The following RASGRF1 variants were observed in gnomAD, a reference collection of about 807,000 sequenced individuals.
The protein encoded by RASGRF1 is Ras protein specific guanine nucleotide releasing factor 1, also known as ras-specific guanine nucleotide-releasing factor 1.
In RASGRF1, 40 loss-of-function variants were observed where a neutral mutation model predicts 138.7. That is an observed-to-expected ratio of 0.29 (90% confidence interval 0.22 to 0.38). The LOEUF is 0.38. RASGRF1 is among the 10% of genes least tolerant of loss of function. The pLI is 1.00. For synonymous variants in RASGRF1, 614 were observed against 663.2 expected (o/e 0.93, Z 1.14); for missense variants, 1,108 against 1,650.4 (o/e 0.67, Z 5.69).
At chr15:79,035,299 G>C in intron 5 of RASGRF1, 89 bp from the exon 6 acceptor site, 1 of 1,035,338 alleles carries the variant, frequency 9.7e-7, no homozygotes, top group Non-Finnish European at 1.4e-6. Context: ...CGTGACTTCA[G>C]CAGCGAACCC....
chr15:78,985,239 G>T lies in RASGRF1; in HGVS notation c.3217-35C>A, dbSNP rs552256734. 8.6e-6 allele frequency: 13 copies of T among 1,518,354 alleles called. No individual in the cohort carries two copies. The South Asian group carries it at 1.2e-4, about 15-fold the overall frequency. 94.1% of individuals were successfully genotyped at this position (1,518,354 alleles called of 1,614,324 possible). On this transcript the variant is annotated intron_variant, in intron 22 of 26. Coordinates refer to ENST00000558480, the MANE Select transcript of RASGRF1 (RefSeq NM_001145648.3). ...GATGCAATAAGACAGGGAAAAAGAGGAGTAAGTATTGCAAAGATGATAAAT... is the reference window on the plus strand; with the variant it reads ...GATGCAATAAGACAGGGAAAAAGAGTAGTAAGTATTGCAAAGATGATAAAT...
chr15:79,031,371 G>A lies in RASGRF1; in HGVS notation c.1262+29C>T, dbSNP rs779207354. On this transcript the variant is annotated intron_variant, in intron 8 of 26. Transcript: ENST00000558480. ...ACCCTCAGCCCTGCCCTGTCTGCCGGTCTGGTGCACTGAAGAGCCAGGCCT... is the reference window on the plus strand; with the variant it reads ...ACCCTCAGCCCTGCCCTGTCTGCCGATCTGGTGCACTGAAGAGCCAGGCCT... The A allele has an allele frequency of 5.2e-6, 8 of 1,524,438 alleles. No individual in the cohort carries two copies. In the Admixed American group the frequency reaches 1.4e-4, roughly 27 times the overall value. 94.4% of individuals were successfully genotyped at this position (1,524,438 alleles called of 1,614,324 possible).
chr15:79,027,738 T>C lies in RASGRF1; in HGVS notation c.1381+3A>G. ...CAGGGGAGACAGGGTGCAGAGGCCA[T>C]ACCTTGTCTCACAAAGGTCTGGCTG... On this transcript the variant is annotated splice_donor_region_variant and intron_variant, in intron 9 of 26. Transcript: ENST00000558480. The surrounding 1 kb of genome is among the most constrained non-coding windows in gnomAD (Gnocchi z 4.8). 6.2e-7 allele frequency: 1 copy of C among 1,613,484 alleles called. No individual in the cohort carries two copies.
chr15:79,005,622 C>T, intron 14 of RASGRF1: 6 of 988,240 alleles, frequency 6.1e-6, no homozygotes, highest in Non-Finnish European at 7.2e-6. Flanking sequence ...AGGTGGCCTG[C>T]ACTCCTTATG....
In RASGRF1 at chr15:78,977,656, C is replaced by T. The variant is rs572963523; in HGVS notation, c.3494+2964G>A. Among the ~76,000 whole-genome samples the T allele has an allele frequency of 3.2e-3, 480 of 152,270 alleles. 3 individuals are homozygous for T. The highest frequency in any genetic ancestry group is 5.9e-3 in the Non-Finnish European group (398 of 68,018). On this transcript the variant is annotated intron_variant, in intron 24 of 26. Coordinates refer to ENST00000558480, the MANE Select transcript of RASGRF1 (RefSeq NM_001145648.3). ...TGGCCTGGCAGTCAGCTAGCTGACA[C>T]GCTCCTCCATGGCTGTTCCCATCCT... is the stretch of plus-strand genomic sequence containing the variant.
At chr15:78,985,348 A>G (rs1158218082) in intron 22 of RASGRF1, 144 bp from the exon 23 acceptor site, 4 of 877,630 alleles carry the variant, frequency 4.6e-6, no homozygotes, top group Non-Finnish European at 3.4e-6. Context: ...AGAGCTTGCT[A>G]GGGTTGCTGG....
intron 26 of RASGRF1, among the ~76,000 whole-genome samples, chr15:78,966,656 G>A (rs1330393928): frequency 6.6e-6 from 1 of 151,978 alleles, no homozygotes; most frequent in Non-Finnish European, 1.5e-5. Flanking sequence ...AAAAAGCCAA[G>A]TAGCATTAAA....
chr15:79,040,659 G>GAGAC (rs1243463978), intron 5 of RASGRF1, among the ~76,000 whole-genome samples: 3 of 152,036 alleles, frequency 2.0e-5, no homozygotes, highest in Non-Finnish European at 4.4e-5. Flanking sequence ...GCTAGAGAGA[G>GAGAC]AGAGAGAGTC....
intron 6 of RASGRF1, 126 bp downstream of exon 6, chr15:79,035,005 G>A (rs916420204): frequency 1.5e-6 from 1 of 676,812 alleles, no homozygotes; most frequent in African/African-American, 1.8e-5. Context: ...CCCCCTCTGA[G>A]GGATTCTGTG....
chr15:79,035,351 G>C (rs1225204225), intron 5 of RASGRF1, 141 bp from the exon 6 acceptor site: 2 of 635,818 alleles, frequency 3.1e-6, no homozygotes, highest in African/African-American at 1.8e-5. Context: ...GCACCGGCAG[G>C]ATGGATCATA....
At chr15:78,993,461 G>A (rs1335598103) in intron 20 of RASGRF1, among the ~76,000 whole-genome samples, 1 of 151,988 alleles carries the variant, frequency 6.6e-6, no homozygotes, top group Non-Finnish European at 1.5e-5. Context: ...GGAAGGGTGT[G>A]TAGAGAAACC....
chr15:79,041,410 T>C (rs2057295670), intron 5 of RASGRF1, among the ~76,000 whole-genome samples: 1 of 152,154 alleles, frequency 6.6e-6, no homozygotes, highest in Admixed American at 6.5e-5. Flanking sequence ...GAACAGTTAA[T>C]ATAGTGAGAG....
At chr15:78,990,853 C>T (rs1012639929) in intron 21 of RASGRF1, among the ~76,000 whole-genome samples, 1 of 152,188 alleles carries the variant, frequency 6.6e-6, no homozygotes, top group Admixed American at 6.5e-5. Flanking sequence ...AGGGACATAT[C>T]AGGAATATCA....
chr15:79,070,821 G>T (rs976891732), intron 1 of RASGRF1, among the ~76,000 whole-genome samples: 4 of 152,194 alleles, frequency 2.6e-5, no homozygotes, highest in Non-Finnish European at 5.9e-5. Flanking sequence ...TTCTTGGCTA[G>T]TATGGGCTTG....
chr15:78,983,572 A>G (rs937238113), intron 23 of RASGRF1, among the ~76,000 whole-genome samples: 3 of 152,210 alleles, frequency 2.0e-5, no homozygotes, highest in Non-Finnish European at 4.4e-5. Context: ...CCTCTGGAAA[A>G]GATGATGTCA....
In RASGRF1 at chr15:79,050,317, G is replaced by A. The variant is rs974953168; in HGVS notation, c.532-729C>T. On this transcript the variant is annotated intron_variant, in intron 3 of 26. Transcript: ENST00000558480. This position sits in a 1 kb window ranked among gnomAD's most constrained non-coding sequence, Gnocchi z 4.1. Reference sequence around the variant, plus strand: ...CCTCAAGTTTCTTCCATGTTGCAGCGTGGGTCAATTTCCTTCCCTTTCAAG... The same window carrying A: ...CCTCAAGTTTCTTCCATGTTGCAGCATGGGTCAATTTCCTTCCCTTTCAAG... Among the ~76,000 whole-genome samples, 49 of 152,286 alleles carry A rather than the reference G, an allele frequency of 3.2e-4. No homozygotes were observed. The highest frequency in any genetic ancestry group is 6.8e-3 in the Middle Eastern group (2 of 294).
At chr15:78,971,325 T>C (rs1386036554) in intron 26 of RASGRF1, among the ~76,000 whole-genome samples, 1 of 152,202 alleles carries the variant, frequency 6.6e-6, no homozygotes, top group Non-Finnish European at 1.5e-5. Context: ...TAAGAAAGAA[T>C]AAGGATGCTT....
At chr15:78,962,556 G>A (rs1017327803) in intron 26 of RASGRF1, among the ~76,000 whole-genome samples, 1 of 152,184 alleles carries the variant, frequency 6.6e-6, no homozygotes, top group Non-Finnish European at 1.5e-5. Context: ...TGATCTGTCT[G>A]TCACAATTCT....
At chr15:79,052,971 C>T (rs906501246) in intron 3 of RASGRF1, among the ~76,000 whole-genome samples, 1 of 152,110 alleles carries the variant, frequency 6.6e-6, no homozygotes, top group Non-Finnish European at 1.5e-5. Flanking sequence ...AGTGTGTTTG[C>T]AAAACTGATT....
Sources: gnomAD v4.1 joint callset for allele counts (sites outside exome capture counted in the v4.1 genomes callset) on GRCh38, gnomAD v4.1.1 for gene constraint, Gnocchi (gnomAD v3.1) non-coding constraint, MANE v1.5 for transcripts, NCBI Gene and HGNC (gene_info 2026-07-23, HGNC 2026-07-21) for gene names.